Variants in ADI1 observed in about 807,000 individuals in gnomAD.
ADI1 encodes the protein acireductone dioxygenase 1.
ADI1 carries 21 observed loss-of-function variants against 18.7 expected under a neutral mutation model. The ratio of observed to expected loss-of-function variants is 1.13; its 90% CI spans 0.80 to 1.62. The LOEUF (loss-of-function observed/expected upper bound fraction) is 1.62. Among genes scored for constraint, ADI1 ranks in the 40% most tolerant of loss-of-function variants. The probability of loss-of-function intolerance (pLI) is 0.00; values close to 1 mark genes in which losing one functional copy is unlikely to be tolerated. For missense variants in ADI1, 245 were observed against 254.9 expected (o/e 0.96, Z 0.26); for synonymous variants, 90 against 100.1 (o/e 0.90, Z 0.60).
intron 3 of ADI1, chr2:3,500,486 A>C: frequency 3.4e-5 from 16 of 468,688 alleles, no homozygotes; most frequent in Non-Finnish European, 4.3e-5. Flanking sequence ...CTCACCGCCA[A>C]GCAAGGGCTG....
intron 1 of ADI1, chr2:3,517,370 G>A (rs1667431518): frequency 6.6e-6 from 1 of 152,202 alleles, no homozygotes; most frequent in Non-Finnish European, 1.5e-5. Flanking sequence ...TTGTAGAACG[G>A]AGGTTGCCCT....
intron 3 of ADI1, among the ~76,000 whole-genome samples, chr2:3,500,284 A>G (rs754439031): frequency 9.2e-5 from 14 of 152,164 alleles, no homozygotes; most frequent in Non-Finnish European, 2.1e-4. Context: ...TTACCCTTAA[A>G]TCAGCATTAC....
rs759571496 is a variant in ADI1 at position 3,499,187 on chromosome 2, T to G, written c.421-105A>C. ...TTAACATTAATTGCTATAAACACTT[T>G]ACTTGCTATTTTTATTCTGCGTCTT... is the stretch of plus-strand genomic sequence containing the variant. On this transcript the variant is annotated intron_variant, in intron 3 of 3. Coordinates refer to ENST00000327435, the MANE Select transcript of ADI1 (RefSeq NM_018269.4). The G allele has an allele frequency of 9.1e-6, 13 of 1,434,958 alleles. No individual in the cohort carries two copies. The Admixed American group carries it at 1.0e-4, about 12-fold the overall frequency. The allele number at this position is 1,434,958 out of a possible 1,614,324, so 88.9% of individuals were successfully genotyped here.
intron 2 of ADI1, among the ~76,000 whole-genome samples, chr2:3,508,143 G>T: frequency 6.6e-6 from 1 of 151,872 alleles, no homozygotes; most frequent in East Asian, 1.9e-4. Flanking sequence ...GACCATCCTG[G>T]CTAACACAGT....
chr2:3,516,071 A>C (rs1168736721), intron 1 of ADI1: 3 of 976,798 alleles, frequency 3.1e-6, no homozygotes, highest in African/African-American at 1.8e-5. Flanking sequence ...ACGTGTCATA[A>C]GTTTAAATAT....
At chr2:3,503,426 A>C (rs12714382) in intron 2 of ADI1, among the ~76,000 whole-genome samples, 3,160 of 46,892 alleles carry the variant, frequency 0.067, 1,137 homozygotes, top group African/African-American at 0.53. Context: ...TACACACACG[A>C]GTGCATTCAC....
intron 1 of ADI1, chr2:3,516,654 T>G: frequency 1.2e-6 from 1 of 857,284 alleles, no homozygotes; most frequent in Non-Finnish European, 1.4e-6. Flanking sequence ...AAGAATTCTA[T>G]AAATTGCTGT....
In ADI1 at chr2:3,519,437, G is replaced by A; in HGVS notation, c.51C>T (p.Pro17=). 2 of 1,361,450 alleles carry A rather than the reference G, an allele frequency of 1.5e-6. No homozygotes were observed. The highest frequency in any genetic ancestry group is 3.1e-5 in the East Asian group (1 of 32,644). 84.3% of individuals were successfully genotyped at this position (1,361,450 alleles called of 1,614,324 possible). ...CTGGGCGGCCGGGGTCGGGGCGGTG[G>A]GGTTGCCGCGGGTCGCCCGGGGCGT... The part of the protein sequence containing the change: ...MDDAPGDPRQ[P]HRPDPGRPVG... The change falls in exon 1 of 4, where the codon CCC becomes CCT. Residue 17 remains proline (P), a synonymous_variant. Transcript: ENST00000327435.
chr2:3,503,772 C>T (rs1667102385), intron 2 of ADI1, among the ~76,000 whole-genome samples: 1 of 152,180 alleles, frequency 6.6e-6, no homozygotes, highest in Non-Finnish European at 1.5e-5. Flanking sequence ...CAGAAGTCAG[C>T]TAACGAGGCT....
chr2:3,518,162 G>A (rs540468247), intron 1 of ADI1, among the ~76,000 whole-genome samples: 1 of 152,324 alleles, frequency 6.6e-6, no homozygotes, highest in African/African-American at 2.4e-5. Context: ...CTTATCCTAG[G>A]AAAAGACAAA....
At chr2:3,509,381 TC>T (rs1357063219) in intron 2 of ADI1, among the ~76,000 whole-genome samples, 7 of 152,166 alleles carry the variant, frequency 4.6e-5, no homozygotes, top group Non-Finnish European at 8.8e-5. Flanking sequence ...CCCATTCTTC[TC>T]AAGCTCACAT....
chr2:3,503,956 G>A (rs536506259), intron 2 of ADI1, among the ~76,000 whole-genome samples: 5 of 152,304 alleles, frequency 3.3e-5, no homozygotes, highest in East Asian at 3.9e-4. Context: ...CCGGGTGAGC[G>A]CCACTGCACG....
intron 2 of ADI1, among the ~76,000 whole-genome samples, chr2:3,507,510 G>GA (rs953724584): frequency 3.5e-4 from 51 of 147,400 alleles, no homozygotes; most frequent in African/African-American, 7.4e-4. Context: ...AAGCAAGCAA[G>GA]AAAAAAAAAA....
rs758080139 is a variant in ADI1 at position 3,498,688 on chromosome 2, T to C, written c.*275A>G. 1.0e-3 allele frequency: 367 copies of C among 352,530 alleles called. No individual in the cohort carries two copies. Among genetic ancestry groups the C allele is most frequent in the Middle Eastern group, 1.5e-3 (2 of 1,320 alleles). 21.8% of individuals were successfully genotyped at this position (352,530 alleles called of 1,614,324 possible). ...GGAACTGCATTTCGGGAGATGAAAC[T>C]TTCATTTGGGACTCAACTGAATGCA... On this transcript the variant is annotated 3_prime_UTR_variant, in exon 4 of 4. Transcript: ENST00000327435.
chr2:3,501,522 T>C (rs1049376970), intron 2 of ADI1, among the ~76,000 whole-genome samples: 3 of 152,130 alleles, frequency 2.0e-5, no homozygotes, highest in African/African-American at 7.2e-5. Flanking sequence ...TTTCTATGTC[T>C]TCACATTGAC....
At chr2:3,509,939 T>C (rs1258393049) in intron 2 of ADI1, among the ~76,000 whole-genome samples, 2 of 149,816 alleles carry the variant, frequency 1.3e-5, no homozygotes, top group African/African-American at 4.9e-5. Flanking sequence ...AGATCAGGAG[T>C]TTGAGACCAG....
At chr2:3,519,001 G>C (rs1289685795) in intron 1 of ADI1, among the ~76,000 whole-genome samples, 2 of 151,604 alleles carry the variant, frequency 1.3e-5, no homozygotes, top group African/African-American at 4.9e-5. Context: ...CAGCCCCGCT[G>C]CTGAGCATGC....
At chr2:3,509,571 C>T (rs1167940102) in intron 2 of ADI1, among the ~76,000 whole-genome samples, 2 of 151,850 alleles carry the variant, frequency 1.3e-5, no homozygotes, top group African/African-American at 4.8e-5. Context: ...AAAAACAAAA[C>T]AAAACATCCA....
At chr2:3,516,094 A>T in intron 1 of ADI1, 1 of 965,356 alleles carries the variant, frequency 1.0e-6, no homozygotes, top group Non-Finnish European at 1.2e-6. Context: ...GAATGTTGAA[A>T]CTTAACACAA....
Sources: allele counts gnomAD v4.1 joint callset (sites outside exome capture counted in the v4.1 genomes callset), GRCh38; gene constraint gnomAD v4.1.1; transcripts MANE v1.5; gene names NCBI Gene and HGNC (gene_info 2026-07-23, HGNC 2026-07-21).